The following LARP1 variants were observed in gnomAD, a reference collection of about 807,000 sequenced individuals.
LARP1 encodes la-related protein 1.
LARP1 carries 36 observed loss-of-function variants against 122.7 expected under a neutral mutation model. The observed-to-expected ratio is 0.29, with a 90% confidence interval of 0.22 to 0.39. The LOEUF is 0.39. Among genes scored for constraint, LARP1 ranks in the 10% least tolerant of loss-of-function variants. LARP1 has a pLI of 1.00. For synonymous variants in LARP1, 539 were observed against 528.7 expected, an observed-to-expected ratio of 1.02 and a Z score of -0.27; for missense variants, 1,040 against 1,403.6, an observed-to-expected ratio of 0.74 and a Z score of 4.14.
chr5:154,800,959 G>C (rs1232667821), intron 10 of LARP1, among the ~76,000 whole-genome samples: 2 of 152,192 alleles, frequency 1.3e-5, no homozygotes, highest in Non-Finnish European at 2.9e-5. Context: ...AAGTAGATGA[G>C]GGTTTTACAA....
chr5:154,693,957 C>T (rs138034437), intron 1 of LARP1, among the ~76,000 whole-genome samples: 17 of 151,978 alleles, frequency 1.1e-4, no homozygotes, highest in African/African-American at 1.4e-4. Context: ...AAATATTGAG[C>T]CTGAATCTAA....
intron 1 of LARP1, among the ~76,000 whole-genome samples, chr5:154,741,482 A>G (rs1341842131): frequency 6.6e-6 from 1 of 152,138 alleles, no homozygotes; most frequent in Non-Finnish European, 1.5e-5. Flanking sequence ...TGCTATGGAG[A>G]ACATGGAGTA....
At chr5:154,732,540 G>A (rs1756650287) in intron 1 of LARP1, among the ~76,000 whole-genome samples, 1 of 152,344 alleles carries the variant, frequency 6.6e-6, no homozygotes, top group South Asian at 2.1e-4. Context: ...TTTCTGCCAT[G>A]AGCAGGGAAT....
upstream of LARP1, among the ~76,000 whole-genome samples, chr5:154,750,700 C>T (rs1753440127): frequency 1.3e-5 from 2 of 152,220 alleles, no homozygotes; most frequent in African/African-American, 4.8e-5. Flanking sequence ...CTCCACCTCC[C>T]AGGCTCAAGC....
intron 1 of LARP1, among the ~76,000 whole-genome samples, chr5:154,759,291 G>A (rs895194755): frequency 6.6e-6 from 1 of 151,842 alleles, no homozygotes; most frequent in African/African-American, 2.4e-5. Flanking sequence ...CTTTTCCCTG[G>A]GTCTCTGGTT....
At chr5:154,781,513 A>T (rs1756439723) in intron 1 of LARP1, among the ~76,000 whole-genome samples, 1 of 151,970 alleles carries the variant, frequency 6.6e-6, no homozygotes, top group African/African-American at 2.4e-5. Flanking sequence ...GAATGGCGTG[A>T]TCCTGGGAGG....
intron 1 of LARP1, among the ~76,000 whole-genome samples, chr5:154,698,533 G>T (rs1032095776): frequency 2.0e-5 from 3 of 152,172 alleles, no homozygotes; most frequent in African/African-American, 4.8e-5. Context: ...GGAGGCGGAG[G>T]TTGCATTGAG....
At chr5:154,811,126 T>G (rs1015993872) in intron 16 of LARP1, 121 bp from the exon 17 acceptor site, 23 of 729,050 alleles carry the variant, frequency 3.2e-5, no homozygotes, top group Non-Finnish European at 4.4e-5. Flanking sequence ...GTGTATGCTG[T>G]TTTTTCAATA....
At chr5:154,744,859 G>A (rs1401540848) in intron 1 of LARP1, among the ~76,000 whole-genome samples, 1 of 131,220 alleles carries the variant, frequency 7.6e-6, no homozygotes, top group Non-Finnish European at 1.6e-5. Context: ...GGATGGTCTC[G>A]ATCTCCTGAC....
chr5:154,805,991 C>CA lies in LARP1; in HGVS notation c.2658dup (p.Gln887ThrfsTer6). The CA allele has an allele frequency of 6.2e-7, 1 of 1,614,148 alleles. No individual in the cohort carries two copies. Among genetic ancestry groups the CA allele is most frequent in the Admixed American group, 1.7e-5 (1 of 60,022 alleles). On this transcript the variant is annotated frameshift_variant, in exon 15 of 19. Transcript: ENST00000518297. LOFTEE classifies it high-confidence loss of function. The stretch of plus-strand genomic sequence containing the variant: ...GAACTGCTCAAGGAAAATGGCTTCA[C>CA]ACAACACGTCTACCATAAGTATCGT...
intron 8 of LARP1, among the ~76,000 whole-genome samples, chr5:154,798,544 C>G (rs115902808): frequency 1.9e-3 from 295 of 152,222 alleles, no homozygotes; most frequent in African/African-American, 5.3e-3. Flanking sequence ...TTTTTTGAGA[C>G]TAGGTCTTGC....
In LARP1 at chr5:154,725,211, A is replaced by G. The variant is rs1582212842; in HGVS notation, c.205+12081A>G. Among the ~76,000 whole-genome samples, 8 of 151,880 alleles carry G rather than the reference A, an allele frequency of 5.3e-5. No individual in the cohort carries two copies. In the South Asian group the frequency reaches 1.7e-3, roughly 32 times the overall value. On this transcript the variant is annotated intron_variant, in intron 1 of 18. Coordinates refer to the LARP1 transcript ENST00000336314. ...TCAAGACAAGCCTAGCCAAGATGGT[A>G]AAACCCCGTCTCTACTAAAAATACA...
At chr5:154,758,855 G>T (rs1268231241) in intron 1 of LARP1, among the ~76,000 whole-genome samples, 2 of 152,122 alleles carry the variant, frequency 1.3e-5, no homozygotes, top group Non-Finnish European at 2.9e-5. Context: ...ACTTTCTTGT[G>T]GGGTTCTGTA....
At chr5:154,693,930 A>G (rs1214425345) in intron 1 of LARP1, among the ~76,000 whole-genome samples, 1 of 152,044 alleles carries the variant, frequency 6.6e-6, no homozygotes, top group Non-Finnish European at 1.5e-5. Flanking sequence ...AGCTCCACCT[A>G]TTTTGGCTCC....
At chr5:154,760,698 CTAAT>C (rs955456093) in intron 1 of LARP1, among the ~76,000 whole-genome samples, 21 of 152,196 alleles carry the variant, frequency 1.4e-4, no homozygotes, top group African/African-American at 5.1e-4. Context: ...CAGGAACAGA[CTAAT>C]TAGCCATGAG....
chr5:154,727,178 A>G (rs1756272734), intron 1 of LARP1, among the ~76,000 whole-genome samples: 1 of 152,224 alleles, frequency 6.6e-6, no homozygotes, highest in South Asian at 2.1e-4. Flanking sequence ...ATGACAGAAG[A>G]GACACAATGC....
chr5:154,797,866 G>A (rs112486610), intron 8 of LARP1, among the ~76,000 whole-genome samples: 2,931 of 151,954 alleles, frequency 0.019, 91 homozygotes, highest in African/African-American at 0.068. Flanking sequence ...TAAATTTTTT[G>A]TAGAGATGAG....
chr5:154,699,025 C>T (rs1237232540), intron 1 of LARP1, among the ~76,000 whole-genome samples: 1 of 152,184 alleles, frequency 6.6e-6, no homozygotes, highest in Non-Finnish European at 1.5e-5. Flanking sequence ...TGTGGGATTG[C>T]AGAGCGAGGG....
rs1186169089 is a variant in LARP1 at position 154,755,479 on chromosome 5, G to A, written c.-279G>A. On this transcript the variant is annotated 5_prime_UTR_variant, in exon 1 of 19. Transcript: ENST00000518297. ...AGCCTGCCGGGCTCGGGGTGGGGGC[G>A]TCTTGCGAGGAACGGGCGGGGGGGG... 1 of 904,412 alleles carries A rather than the reference G, an allele frequency of 1.1e-6. No homozygotes were observed. The highest frequency in any genetic ancestry group is 1.8e-5 in the African/African-American group (1 of 55,572). The allele number at this position is 904,412 out of a possible 1,614,324, so 56.0% of individuals were successfully genotyped here.
Sources: allele counts gnomAD v4.1 joint callset (sites outside exome capture counted in the v4.1 genomes callset), GRCh38; gene constraint gnomAD v4.1.1; transcripts MANE v1.5; gene names NCBI Gene and HGNC (gene_info 2026-07-23, HGNC 2026-07-21).